Variants in GABARAPL2 observed in about 807,000 individuals in gnomAD.
GABARAPL2 encodes GABA type A receptor associated protein like 2.
A neutral mutation model predicts 16.9 loss-of-function variants in GABARAPL2; 11 were observed. The ratio of observed to expected loss-of-function variants is 0.65; its 90% CI spans 0.41 to 1.08. GABARAPL2 has a LOEUF of 1.08. Among genes scored for constraint, GABARAPL2 ranks in the 50% least tolerant of loss-of-function variants. GABARAPL2 has a pLI of 0.00. For synonymous variants in GABARAPL2, 57 were observed against 50.7 expected (o/e 1.12, Z -0.53); for missense variants, 134 against 142.5 (o/e 0.94, Z 0.30).
intron 3 of GABARAPL2, among the ~76,000 whole-genome samples, chr16:75,574,435 G>A (rs2080935071): frequency 6.6e-6 from 1 of 152,172 alleles, no homozygotes; most frequent in Non-Finnish European, 1.5e-5. Flanking sequence ...TGTTACGACA[G>A]TTGTCATCAA....
At chr16:75,567,071 G>A (rs2080888510) in intron 2 of GABARAPL2, among the ~76,000 whole-genome samples, 164 bp downstream of exon 2, 1 of 152,228 alleles carries the variant, frequency 6.6e-6, no homozygotes, top group African/African-American at 2.4e-5. Flanking sequence ...GGCGTGAGGG[G>A]CTCGGGCTGG....
intron 1 of GABARAPL2, 82 bp downstream of exon 1, chr16:75,566,602 G>C (rs1416277594): frequency 6.7e-7 from 1 of 1,485,526 alleles, no homozygotes; most frequent in Admixed American, 1.9e-5. Flanking sequence ...GCCCTGGGCC[G>C]AGTGGAGCGG....
chr16:75,566,379 A>AGTCGCCGCC lies in GABARAPL2; in HGVS notation c.-102_-94dup, dbSNP rs1029695334. 7.1e-4 allele frequency: 560 copies of AGTCGCCGCC among 791,380 alleles called. 6 individuals are homozygous for AGTCGCCGCC. Among genetic ancestry groups the AGTCGCCGCC allele is most frequent in the Non-Finnish European group, 1.3e-4 (60 of 475,066 alleles). The allele number at this position is 791,380 out of a possible 1,614,324, so 49.0% of individuals were successfully genotyped here. On this transcript the variant is annotated 5_prime_UTR_variant, in exon 1 of 4. Transcript: ENST00000037243. ...CAGCCGGAAGTCCCGCCTGCCGTGTAGTCGCCGCCGTCGCTGCCGCTGCCG... is the reference window on the plus strand; with the variant it reads ...CAGCCGGAAGTCCCGCCTGCCGTGTAGTCGCCGCCGTCGCCGCCGTCGCTGCCGCTGCCG...
chr16:75,569,683 A>G (rs1176168719), intron 3 of GABARAPL2, among the ~76,000 whole-genome samples: 5 of 152,230 alleles, frequency 3.3e-5, no homozygotes, highest in Non-Finnish European at 7.3e-5. Context: ...TTCTTCTCAA[A>G]GGAAATGAAG....
At position 75,577,033 on chromosome 16, in the gene GABARAPL2, AG is replaced by A. The variant is rs1439842605; in HGVS notation, c.264-245del. 20 of 386,564 alleles carry A rather than the reference AG, an allele frequency of 5.2e-5. 1 individual carries two copies. The highest frequency in any genetic ancestry group is 5.0e-4 in the South Asian group (14 of 28,060). The allele number at this position is 386,564 out of a possible 1,614,324, so 23.9% of individuals were successfully genotyped here. ...AGGCATCCATGTGTTAGCCAGCCAA[AG>A]CCCCCTGAAGGAGCTGGCTGCTTTA... On this transcript the variant is annotated intron_variant, in intron 3 of 3. Coordinates refer to ENST00000037243, the MANE Select transcript of GABARAPL2 (RefSeq NM_007285.7).
intron 3 of GABARAPL2, among the ~76,000 whole-genome samples, chr16:75,574,255 T>C (rs2080933787): frequency 1.3e-5 from 2 of 152,190 alleles, no homozygotes. Flanking sequence ...ATGTTTCTAA[T>C]GTAGCAGCGG....
chr16:75,568,990 G>A (rs2080900070), intron 3 of GABARAPL2, among the ~76,000 whole-genome samples: 1 of 152,150 alleles, frequency 6.6e-6, no homozygotes, highest in Non-Finnish European at 1.5e-5. Context: ...CCTCTCCCCT[G>A]AGTGTGAGTT....
intron 2 of GABARAPL2, among the ~76,000 whole-genome samples, chr16:75,567,266 C>G (rs2080889588): frequency 6.6e-6 from 1 of 152,200 alleles, no homozygotes; most frequent in South Asian, 2.1e-4. Context: ...GTACTTGAGT[C>G]TCAGGACGTT....
intron 1 of GABARAPL2, 77 bp from the exon 2 acceptor site, chr16:75,566,775 C>T: frequency 2.2e-6 from 3 of 1,350,546 alleles, no homozygotes; most frequent in Non-Finnish European, 2.1e-6. Flanking sequence ...ACGCAGGGCG[C>T]AGGAGGAGGA....
chr16:75,574,922 A>G (rs2080939119), intron 3 of GABARAPL2, among the ~76,000 whole-genome samples: 1 of 152,040 alleles, frequency 6.6e-6, no homozygotes. Context: ...AATCCCAGCT[A>G]CTTGGGAGGC....
chr16:75,566,975 G>A, intron 2 of GABARAPL2, 68 bp downstream of exon 2: 1 of 1,312,808 alleles, frequency 7.6e-7, no homozygotes, highest in Non-Finnish European at 1.1e-6. Flanking sequence ...ATAGGCCCCA[G>A]GCCATTCAAC....
intron 3 of GABARAPL2, among the ~76,000 whole-genome samples, chr16:75,569,234 C>T (rs1025110012): frequency 1.3e-5 from 2 of 152,198 alleles, no homozygotes; most frequent in Non-Finnish European, 2.9e-5. Flanking sequence ...TCCTCTTTCC[C>T]AGTGTCCTCC....
chr16:75,572,612 C>T (rs2080922442), intron 3 of GABARAPL2: 1 of 152,212 alleles, frequency 6.6e-6, no homozygotes. Flanking sequence ...TTTTATTGCA[C>T]AGTTTCTCCA....
chr16:75,574,780 C>T (rs2080937734), intron 3 of GABARAPL2, among the ~76,000 whole-genome samples: 1 of 32,752 alleles, frequency 3.1e-5, no homozygotes, highest in Non-Finnish European at 4.6e-5. Context: ...TAAAAATATA[C>T]TGATGAGGCC....
chr16:75,566,961 C>A, intron 2 of GABARAPL2, 54 bp downstream of exon 2: 1 of 1,373,708 alleles, frequency 7.3e-7, no homozygotes, highest in Non-Finnish European at 1.0e-6. Flanking sequence ...GTCTGGGACC[C>A]GTGATAGGCC....
intron 3 of GABARAPL2, chr16:75,576,595 C>G (rs532987268): frequency 6.6e-6 from 1 of 152,342 alleles, no homozygotes; most frequent in Non-Finnish European, 1.5e-5. Context: ...CATAGGGATC[C>G]AGGTGTTACT....
At chr16:75,566,636 G>C in intron 1 of GABARAPL2, 116 bp downstream of exon 1, 1 of 1,236,924 alleles carries the variant, frequency 8.1e-7, no homozygotes. Context: ...CTGCGGGCTG[G>C]AGTCGCCCAT....
In GABARAPL2 at chr16:75,568,174, C is replaced by G; in HGVS notation, c.228C>G (p.Ile76Met). ...TCCAGCTTCCTTCTGAAAAGGCGAT[C>G]TTCCTGTTTGTGGATAAGACAGTCC... ...KRIQLPSEKAIFLFVDKTVPQ... is the reference protein window; with the variant it reads ...KRIQLPSEKAMFLFVDKTVPQ... Residue 76 changes from isoleucine (I) to methionine (M), a missense_variant, in exon 3 of 4, where the codon ATC (isoleucine) becomes ATG (methionine). By Grantham distance (10) the Ile-to-Met change is conservative. Transcript: ENST00000037243. 1 of 1,613,056 alleles carries G rather than the reference C, an allele frequency of 6.2e-7. No homozygotes were observed. The highest frequency in any genetic ancestry group is 8.5e-7 in the Non-Finnish European group (1 of 1,179,042).
In GABARAPL2 at chr16:75,566,612, G is replaced by A. The variant is rs527657760; in HGVS notation, c.34+92G>A. On this transcript the variant is annotated intron_variant, in intron 1 of 3. Coordinates refer to ENST00000037243, the MANE Select transcript of GABARAPL2 (RefSeq NM_007285.7). Reference sequence around the variant, plus strand: ...GGGCGGCCCTGGGCCGAGTGGAGCGGGGCGGATGCCCTGCTGCGGGCTGGA... The same window carrying A: ...GGGCGGCCCTGGGCCGAGTGGAGCGAGGCGGATGCCCTGCTGCGGGCTGGA... 62 of 1,420,960 alleles carry A rather than the reference G, an allele frequency of 4.4e-5. No individual in the cohort carries two copies. The East Asian group carries it at 1.5e-3, about 33-fold the overall frequency. The allele number at this position is 1,420,960 out of a possible 1,614,324, so 88.0% of individuals were successfully genotyped here.
Sources: gnomAD v4.1 joint callset for allele counts (sites outside exome capture counted in the v4.1 genomes callset) on GRCh38, gnomAD v4.1.1 for gene constraint, MANE v1.5 for transcripts, NCBI Gene and HGNC (gene_info 2026-07-23, HGNC 2026-07-21) for gene names.